PRKG1: variants seen among roughly 807,000 people sequenced by gnomAD.
PRKG1 encodes protein kinase cGMP-dependent 1.
In PRKG1, 35 loss-of-function variants were observed where a neutral mutation model predicts 88.1. The observed-to-expected ratio is 0.40, with a 90% CI of 0.30 to 0.53. The LOEUF (loss-of-function observed/expected upper bound fraction) is 0.53. Ranked by LOEUF, PRKG1 falls within the 20% of genes least tolerant of loss-of-function variation. The pLI is 0.59. For missense variants in PRKG1, 540 were observed against 839.8 expected, an observed-to-expected ratio of 0.64 and a Z score of 4.41; for synonymous variants, 303 against 292.5, an observed-to-expected ratio of 1.04 and a Z score of -0.37.
At chr10:51,614,079 G>A (rs1838982047) in intron 3 of PRKG1, among the ~76,000 whole-genome samples, 2 of 151,888 alleles carry the variant, frequency 1.3e-5, no homozygotes. Context: ...GTCTAATGCT[G>A]AGAGTGGGCT....
intron 4 of PRKG1, among the ~76,000 whole-genome samples, chr10:51,844,802 G>A (rs1459029456): frequency 1.3e-5 from 2 of 152,148 alleles, no homozygotes; most frequent in Non-Finnish European, 2.9e-5. Context: ...GGGAGGTGAT[G>A]TTGTATCAAA....
chr10:51,981,532 G>T (rs777731246), intron 5 of PRKG1, among the ~76,000 whole-genome samples: 3 of 152,048 alleles, frequency 2.0e-5, no homozygotes, highest in Non-Finnish European at 2.9e-5. Flanking sequence ...GTTGGAGTTA[G>T]CCAAGATCAC....
intron 1 of PRKG1, among the ~76,000 whole-genome samples, chr10:51,090,123 T>C (rs989236642): frequency 6.6e-6 from 1 of 152,162 alleles, no homozygotes; most frequent in African/African-American, 2.4e-5. Context: ...TTATAACATT[T>C]CCCTGATTGG....
intron 2 of PRKG1, among the ~76,000 whole-genome samples, chr10:51,224,302 C>T (rs747120651): frequency 1.3e-5 from 2 of 152,136 alleles, no homozygotes; most frequent in Non-Finnish European, 2.9e-5. Flanking sequence ...AAGGTGTGTC[C>T]ACCTAATTCA....
At chr10:51,350,278 C>T (rs1419758286) in intron 2 of PRKG1, among the ~76,000 whole-genome samples, 2 of 152,210 alleles carry the variant, frequency 1.3e-5, no homozygotes, top group African/African-American at 4.8e-5. Flanking sequence ...AAAGCTCAAA[C>T]ATCCCAACTC....
intron 2 of PRKG1, among the ~76,000 whole-genome samples, chr10:51,408,357 A>T (rs1033392310): frequency 6.6e-6 from 1 of 152,138 alleles, no homozygotes; most frequent in African/African-American, 2.4e-5. Context: ...CCACTGCCAC[A>T]CTTCTTTAGC....
intron 2 of PRKG1, among the ~76,000 whole-genome samples, chr10:51,349,889 T>C (rs148623573): frequency 1.3e-5 from 2 of 152,218 alleles, no homozygotes; most frequent in East Asian, 3.9e-4. Flanking sequence ...AACTGCTAAA[T>C]TGGATAGATA....
chr10:52,283,088 C>T (rs1259165951), intron 14 of PRKG1, among the ~76,000 whole-genome samples: 1 of 152,066 alleles, frequency 6.6e-6, no homozygotes, highest in Non-Finnish European at 1.5e-5. Context: ...CAGGAACAGT[C>T]ATCTTTTGAC....
intron 2 of PRKG1, among the ~76,000 whole-genome samples, chr10:51,202,365 G>A (rs1411081413): frequency 6.6e-6 from 1 of 152,102 alleles, no homozygotes; most frequent in Non-Finnish European, 1.5e-5. Context: ...CTCCTCTTGG[G>A]CCTCAATCTT....
intron 3 of PRKG1, among the ~76,000 whole-genome samples, chr10:51,724,756 A>G (rs1016367092): frequency 6.6e-6 from 1 of 151,838 alleles, no homozygotes; most frequent in African/African-American, 2.4e-5. Context: ...GTGCGGTGGC[A>G]CTATCACAAC....
intron 2 of PRKG1, among the ~76,000 whole-genome samples, chr10:51,324,010 G>T (rs553093230): frequency 7.2e-5 from 11 of 152,288 alleles, no homozygotes; most frequent in African/African-American, 1.7e-4. Flanking sequence ...GGATGCATGT[G>T]ATACTTTGAT....
intron 3 of PRKG1, among the ~76,000 whole-genome samples, chr10:51,601,441 G>A (rs2132226313): frequency 6.6e-6 from 1 of 152,314 alleles, no homozygotes; most frequent in South Asian, 2.1e-4. Context: ...CTCTTGCTGT[G>A]TGAAGAATTG....
intron 7 of PRKG1, among the ~76,000 whole-genome samples, chr10:52,093,177 T>C (rs918736070): frequency 4.6e-5 from 7 of 152,160 alleles, no homozygotes; most frequent in African/African-American, 1.7e-4. Context: ...AAATATTATA[T>C]TGGAACATAA....
At chr10:52,185,668 C>T (rs888735646) in intron 9 of PRKG1, among the ~76,000 whole-genome samples, 5 of 152,246 alleles carry the variant, frequency 3.3e-5, no homozygotes, top group Non-Finnish European at 7.3e-5. Flanking sequence ...CCTGTGGCAG[C>T]TTCTGCCTCG....
chr10:51,058,458 G>C (rs764500011), intron 1 of PRKG1, among the ~76,000 whole-genome samples: 1 of 151,964 alleles, frequency 6.6e-6, no homozygotes, highest in Admixed American at 6.6e-5. Context: ...TCCTACCCCA[G>C]TATCCAGTAT....
chr10:52,066,807 C>T (rs1846366521), intron 7 of PRKG1, among the ~76,000 whole-genome samples: 1 of 152,106 alleles, frequency 6.6e-6, no homozygotes, highest in South Asian at 2.1e-4. Context: ...CTCTGTAAAC[C>T]AACAGACCAT....
chr10:51,214,872 C>T (rs1468317538), intron 2 of PRKG1, among the ~76,000 whole-genome samples: 1 of 152,000 alleles, frequency 6.6e-6, no homozygotes, highest in African/African-American at 2.4e-5. Flanking sequence ...GGACCTCTGC[C>T]CAATATCTTT....
At chr10:51,433,185 AT>A (rs1588953071) in intron 2 of PRKG1, among the ~76,000 whole-genome samples, 1 of 151,940 alleles carries the variant, frequency 6.6e-6, no homozygotes, top group African/African-American at 2.4e-5. Context: ...TAGAGCCACA[AT>A]TTTTTTTCTA....
chr10:51,521,080 G>T (rs4935260), intron 3 of PRKG1, among the ~76,000 whole-genome samples: 2,027 of 152,244 alleles, frequency 0.013, 21 homozygotes, highest in Non-Finnish European at 0.02. Flanking sequence ...CCTAGGTCGG[G>T]GTTCAAAACC....
Sources: allele counts gnomAD v4.1 joint callset (sites outside exome capture counted in the v4.1 genomes callset), GRCh38; gene constraint gnomAD v4.1.1; transcripts MANE v1.5; gene names NCBI Gene and HGNC (gene_info 2026-07-23, HGNC 2026-07-21).